ZDHHC2: variants seen among roughly 807,000 people sequenced by gnomAD.
The protein encoded by ZDHHC2 is zDHHC palmitoyltransferase 2.
In ZDHHC2, 51 loss-of-function variants were observed where a neutral mutation model predicts 55.6. The observed-to-expected ratio is 0.92, with a 90% CI of 0.73 to 1.16. The LOEUF is 1.16. Ranked by LOEUF, ZDHHC2 falls within the 50% of genes most tolerant of loss-of-function variation. ZDHHC2 has a pLI of 0.00. For missense variants in ZDHHC2, 491 were observed against 442.4 expected, an observed-to-expected ratio of 1.11 and a Z score of -0.99; for synonymous variants, 199 against 152.9, an observed-to-expected ratio of 1.30 and a Z score of -2.22.
chr8:17,224,478 A>G lies in ZDHHC2; in HGVS notation c.*4257A>G, dbSNP rs1003196896. 3 of 151,666 alleles carry G rather than the reference A, an allele frequency of 2.0e-5. No individual in the cohort carries two copies. The highest frequency in any genetic ancestry group is 3.0e-5 in the Non-Finnish European group (2 of 67,668). The allele number at this position is 151,666 out of a possible 1,614,324, so 9.4% of individuals were successfully genotyped here. ...ACTACTTTATGGTTTATGAAAACCT[A>G]TGATTTATGTTGCATCTTCCGGGGA... On this transcript the variant is annotated 3_prime_UTR_variant, in exon 13 of 13. Transcript: ENST00000262096.
intron 10 of ZDHHC2, among the ~76,000 whole-genome samples, chr8:17,214,506 A>G (rs1807547087): frequency 6.6e-6 from 1 of 152,178 alleles, no homozygotes; most frequent in African/African-American, 2.4e-5. Flanking sequence ...ATCACTTACA[A>G]AATTAATATT....
chr8:17,221,640 CA>C lies in ZDHHC2; in HGVS notation c.*1421del. Reference sequence around the variant, plus strand: ...AGGATAATGGAATAAAAGATCATTGCAATTACTTATCCTTCCTAAAAATATA... The same window carrying C: ...AGGATAATGGAATAAAAGATCATTGCATTACTTATCCTTCCTAAAAATATA... On this transcript the variant is annotated 3_prime_UTR_variant, in exon 13 of 13. Coordinates refer to ENST00000262096, the MANE Select transcript of ZDHHC2 (RefSeq NM_016353.5). 1 of 152,476 alleles carries C rather than the reference CA, an allele frequency of 6.6e-6. No homozygotes were observed. The highest frequency in any genetic ancestry group is 1.5e-5 in the Non-Finnish European group (1 of 67,902). 9.4% of individuals were successfully genotyped at this position (152,476 alleles called of 1,614,324 possible).
At chr8:17,204,511 A>T (rs947132200) in intron 6 of ZDHHC2, among the ~76,000 whole-genome samples, 1 of 152,248 alleles carries the variant, frequency 6.6e-6, no homozygotes, top group Non-Finnish European at 1.5e-5. Flanking sequence ...CATTGACACA[A>T]GGTCATCCAG....
chr8:17,202,492 G>C (rs532224853), intron 6 of ZDHHC2, among the ~76,000 whole-genome samples: 1 of 152,130 alleles, frequency 6.6e-6, no homozygotes, highest in Non-Finnish European at 1.5e-5. Context: ...CAACAGCTGT[G>C]TTTTACACTG....
intron 4 of ZDHHC2, 77 bp from the exon 5 acceptor site, chr8:17,197,505 A>G: frequency 1.7e-6 from 2 of 1,211,436 alleles, no homozygotes; most frequent in East Asian, 2.4e-5. Context: ...TTAAATTTGG[A>G]GAGATGATAA....
intron 4 of ZDHHC2, among the ~76,000 whole-genome samples, chr8:17,196,348 T>G (rs982315086): frequency 6.6e-6 from 1 of 152,052 alleles, no homozygotes; most frequent in African/African-American, 2.4e-5. Context: ...CTCTAAGTAT[T>G]AAATACACAC....
chr8:17,182,394 A>C (rs1201491671), intron 1 of ZDHHC2, among the ~76,000 whole-genome samples: 1 of 152,218 alleles, frequency 6.6e-6, no homozygotes, highest in Admixed American at 6.5e-5. Flanking sequence ...ATGAATGCTA[A>C]AATAATGATT....
chr8:17,215,974 A>G (rs1807627460), intron 11 of ZDHHC2, among the ~76,000 whole-genome samples: 2 of 152,200 alleles, frequency 1.3e-5, no homozygotes, highest in African/African-American at 4.8e-5. Context: ...ACGTTACCTA[A>G]CATCTTTTAG....
rs1807920137 is a variant in ZDHHC2 at position 17,221,580 on chromosome 8, CCAAA to C, written c.*1362_*1365del. ...TAAACTTTTCAAAATCTTTGTTAAA[CCAAA>C]CATTCAACACAAAATAAACTAGAAG... On this transcript the variant is annotated 3_prime_UTR_variant, in exon 13 of 13. Transcript: ENST00000262096. 1.3e-5 allele frequency: 2 copies of C among 152,158 alleles called. No homozygotes were observed. The highest frequency in any genetic ancestry group is 1.3e-4 in the Admixed American group (2 of 15,238). The allele number at this position is 152,158 out of a possible 1,614,324, so 9.4% of individuals were successfully genotyped here. A position where few individuals can be genotyped will look rare whatever the true frequency, so the allele number is the denominator to read the frequency against.
chr8:17,168,101 T>C (rs577120432), intron 1 of ZDHHC2, among the ~76,000 whole-genome samples: 13 of 152,354 alleles, frequency 8.5e-5, no homozygotes, highest in African/African-American at 3.1e-4. Context: ...TAGATACATG[T>C]ATCAAGCTAC....
intron 10 of ZDHHC2, among the ~76,000 whole-genome samples, chr8:17,213,636 A>G (rs1023667927): frequency 2.0e-5 from 3 of 152,146 alleles, no homozygotes; most frequent in African/African-American, 7.2e-5. Flanking sequence ...CTCTTCCTCC[A>G]TAACAGTGAA....
chr8:17,216,493 A>G (rs908583286), intron 11 of ZDHHC2, among the ~76,000 whole-genome samples: 1 of 152,184 alleles, frequency 6.6e-6, no homozygotes, highest in Non-Finnish European at 1.5e-5. Context: ...AGGACTAGGC[A>G]TTGCCTAAAC....
intron 1 of ZDHHC2, among the ~76,000 whole-genome samples, chr8:17,176,209 G>T (rs1196978739): frequency 6.6e-6 from 1 of 152,058 alleles, no homozygotes; most frequent in Non-Finnish European, 1.5e-5. Flanking sequence ...TGAGGTAGTC[G>T]ATTGCCTTGC....
chr8:17,168,324 A>G (rs1203820789), intron 1 of ZDHHC2, among the ~76,000 whole-genome samples: 1 of 152,216 alleles, frequency 6.6e-6, no homozygotes, highest in African/African-American at 2.4e-5. Context: ...TTCTCTGCTT[A>G]TCACTTCTGG....
Position 17,199,509 on chromosome 8 carries a change from T to TTCTTCTTCG in ZDHHC2, c.476+1101_476+1102insTTCGTCTTC, listed in dbSNP as rs1297662337. On this transcript the variant is annotated intron_variant, in intron 6 of 12. Coordinates refer to ENST00000262096, the MANE Select transcript of ZDHHC2 (RefSeq NM_016353.5). ...CTTCTTCTTCTTCTTCTTCTTCTTC[T>TTCTTCTTCG]TCTTCGTCTTCGTCTTCGTCTTCTG... Among the ~76,000 whole-genome samples, 199 of 121,164 alleles carry TTCTTCTTCG rather than the reference T, an allele frequency of 1.6e-3. 3 individuals carry two copies. In the East Asian group the frequency reaches 0.018, roughly 11 times the overall value. 79.5% of individuals were successfully genotyped at this position (121,164 alleles called of 152,430 possible).
rs750043279 is a variant in ZDHHC2 at position 17,195,509 on chromosome 8, T to G, written c.258T>G (p.His86Gln). Residue 86 changes from histidine to glutamine, a missense_variant, in exon 4 of 13, where the codon CAT (histidine) becomes CAG (glutamine). Transcript: ENST00000262096. ...GATTTAAATGTATTCCACAGTTCCA[T>G]CTCTCTTATGCAGAGAAAGATTTGT... is the stretch of plus-strand genomic sequence containing the variant. ...TLPMNPSKEF[H>Q]LSYAEKDLLE... 1 of 1,613,034 alleles carries G rather than the reference T, an allele frequency of 6.2e-7. No homozygotes were observed. The highest frequency in any genetic ancestry group is 2.2e-5 in the East Asian group (1 of 44,828).
rs1340893091 is a variant in ZDHHC2 at position 17,199,588 on chromosome 8, CTT to C, written c.476+1177_476+1178del. Among the ~76,000 whole-genome samples the C allele has an allele frequency of 1.2e-4, 4 of 34,230 alleles. No homozygotes were observed. The East Asian group carries it at 2.4e-3, about 20-fold the overall frequency. 22.5% of individuals were successfully genotyped at this position (34,230 alleles called of 152,430 possible). A position where few individuals can be genotyped will look rare whatever the true frequency, so the allele number is the denominator to read the frequency against. On this transcript the variant is annotated intron_variant, in intron 6 of 12. Coordinates refer to ENST00000262096, the MANE Select transcript of ZDHHC2 (RefSeq NM_016353.5). ...TCTTCGTCTTTGTCTTCTTCTTCTT[CTT>C]TCTTCTTCTTTATTCTTTCTTCTTC... is the stretch of plus-strand genomic sequence containing the variant.
chr8:17,215,222 TC>T lies in ZDHHC2; in HGVS notation c.951-14del. ...AGCTTATGATGATTTTGATGATTAT[TC>T]AATTATTATTCAGTCTCGAAAACCA... On this transcript the variant is annotated splice_polypyrimidine_tract_variant and intron_variant, in intron 10 of 12. Coordinates refer to ENST00000262096, the MANE Select transcript of ZDHHC2 (RefSeq NM_016353.5). 1 of 1,552,498 alleles carries T rather than the reference TC, an allele frequency of 6.4e-7. No homozygotes were observed. The highest frequency in any genetic ancestry group is 8.7e-7 in the Non-Finnish European group (1 of 1,146,216).
At chr8:17,199,197 G>A (rs899819002) in intron 6 of ZDHHC2, among the ~76,000 whole-genome samples, 1 of 152,138 alleles carries the variant, frequency 6.6e-6, no homozygotes, top group African/African-American at 2.4e-5. Flanking sequence ...CTTAGCAGCA[G>A]GAAAGATTCC....
Sources: gnomAD v4.1 joint callset for allele counts (sites outside exome capture counted in the v4.1 genomes callset) on GRCh38, gnomAD v4.1.1 for gene constraint, MANE v1.5 for transcripts, NCBI Gene and HGNC (gene_info 2026-07-23, HGNC 2026-07-21) for gene names.